NUF2: variants seen among roughly 807,000 people sequenced by gnomAD.
The protein encoded by NUF2 is kinetochore protein Nuf2.
NUF2 carries 34 observed loss-of-function variants against 61.8 expected under a neutral mutation model. That is an observed-to-expected ratio of 0.55 (90% CI 0.42 to 0.73). The LOEUF (loss-of-function observed/expected upper bound fraction) is 0.73. NUF2 is among the 30% of genes least tolerant of loss of function. The pLI, the probability that NUF2 is intolerant of heterozygous loss-of-function variation, is 0.00. For synonymous variants in NUF2, 172 were observed against 181.6 expected (o/e 0.95, Z 0.42); for missense variants, 445 against 539.1 (o/e 0.83, Z 1.73).
chr1:163,328,332 C>T (rs370795908), intron 4 of NUF2, 28 bp downstream of exon 4: 92 of 1,334,578 alleles, frequency 6.9e-5, no homozygotes, highest in Middle Eastern at 1.9e-4. Flanking sequence ...TTATTGTCTT[C>T]GTCTACATTC....
intron 7 of NUF2, 153 bp from the exon 8 acceptor site, chr1:163,339,228 G>A (rs1281460114): frequency 5.1e-6 from 3 of 586,476 alleles, no homozygotes; most frequent in Non-Finnish European, 9.1e-6. Context: ...GTAGAGGCCA[G>A]ATCATTCATT....
intron 5 of NUF2, among the ~76,000 whole-genome samples, chr1:163,329,687 A>G (rs913016532): frequency 6.6e-6 from 1 of 152,212 alleles, no homozygotes; most frequent in Non-Finnish European, 1.5e-5. Context: ...CCATACTCTT[A>G]ACTTTACAAT....
Position 163,355,621 on chromosome 1 carries a change from A to G in NUF2, c.*152A>G. ...ACTCTCATAAGTAGTTAATAAGATG[A>G]ATTTAATGTAGGCTTTTATTAATTT... On this transcript the variant is annotated 3_prime_UTR_variant, in exon 14 of 14. Transcript: ENST00000271452. 1 of 451,596 alleles carries G rather than the reference A, an allele frequency of 2.2e-6. No homozygotes were observed. The highest frequency in any genetic ancestry group is 3.9e-6 in the Non-Finnish European group (1 of 257,994). The allele number at this position is 451,596 out of a possible 1,614,324, so 28.0% of individuals were successfully genotyped here. A position where few individuals can be genotyped will look rare whatever the true frequency, so the allele number is the denominator to read the frequency against.
rs922604609 is a variant in NUF2, at chr1:163,348,072, T to G, written c.1124+134T>G. 5 of 567,922 alleles carry G rather than the reference T, an allele frequency of 8.8e-6. No homozygotes were observed. In the African/African-American group the frequency reaches 9.8e-5, roughly 11 times the overall value. 35.2% of individuals were successfully genotyped at this position (567,922 alleles called of 1,614,324 possible). On this transcript the variant is annotated intron_variant, in intron 12 of 13. Coordinates refer to ENST00000271452, the MANE Select transcript of NUF2 (RefSeq NM_145697.3). Reference sequence around the variant, plus strand: ...GCTTTATCTTTATTTCACCTTTAGTTGACTAAAACAGATGAGTTAATTATA... The same window carrying G: ...GCTTTATCTTTATTTCACCTTTAGTGGACTAAAACAGATGAGTTAATTATA...
intron 1 of NUF2, among the ~76,000 whole-genome samples, chr1:163,324,900 C>CTTTTTTTTTT (rs67548511): frequency 8.1e-6 from 1 of 122,976 alleles, no homozygotes; most frequent in Non-Finnish European, 1.7e-5. Flanking sequence ...TCTTTTCTTT[C>CTTTTTTTTTT]TTTTTTTTTT....
intron 9 of NUF2, among the ~76,000 whole-genome samples, chr1:163,341,679 G>A (rs1650952647): frequency 6.6e-6 from 1 of 152,026 alleles, no homozygotes; most frequent in South Asian, 2.1e-4. Flanking sequence ...AGGTTGGAGT[G>A]CAGTGTGGCA....
At chr1:163,326,427 C>T (rs1210972199) in intron 2 of NUF2, among the ~76,000 whole-genome samples, 1 of 150,152 alleles carries the variant, frequency 6.7e-6, no homozygotes. Context: ...GCTTCTAAAC[C>T]ATATTAAAGT....
At chr1:163,334,114 C>A (rs1650680731) in intron 5 of NUF2, among the ~76,000 whole-genome samples, 1 of 152,216 alleles carries the variant, frequency 6.6e-6, no homozygotes, top group Non-Finnish European at 1.5e-5. Flanking sequence ...ATAATGGCCT[C>A]AAGTTCCAAC....
Position 163,355,445 on chromosome 1 carries a change from G to C in NUF2, c.1371G>C (p.Arg457Ser), listed in dbSNP as rs1651455961. The stretch of plus-strand genomic sequence containing the variant: ...ATGAGAAGACAGCTGAACTGAAGAG[G>C]AAGATGTTCAAAATGTCAACCTGAT... Reference protein sequence around the residue: ...KIDEKTAELKRKMFKMST With the variant: ...KIDEKTAELKSKMFKMST Residue 457 changes from arginine to serine, a missense_variant, in exon 14 of 14, where the codon AGG becomes AGC. Transcript: ENST00000271452. The C allele has an allele frequency of 1.3e-6, 2 of 1,596,378 alleles. No individual in the cohort carries two copies. Among genetic ancestry groups the C allele is most frequent in the Non-Finnish European group, 1.7e-6 (2 of 1,171,564 alleles).
At chr1:163,327,100 A>T (rs200123658) in intron 2 of NUF2, among the ~76,000 whole-genome samples, 1 of 145,336 alleles carries the variant, frequency 6.9e-6, no homozygotes, top group Non-Finnish European at 1.5e-5. Flanking sequence ...TCCTGTGTTC[A>T]CACACACACA....
chr1:163,327,582 A>G lies in NUF2; in HGVS notation c.198+20A>G, dbSNP rs764112429. 1.9e-5 allele frequency: 28 copies of G among 1,488,808 alleles called. No individual in the cohort carries two copies. Among genetic ancestry groups the G allele is most frequent in the Non-Finnish European group, 2.5e-5 (27 of 1,066,784 alleles). 92.2% of individuals were successfully genotyped at this position (1,488,808 alleles called of 1,614,324 possible). On this transcript the variant is annotated intron_variant, in intron 3 of 13. Transcript: ENST00000271452. ...TACATGGTGAGTTTAAGATGAGGCA[A>G]AATTATGGGGTTTTTTTTGTTTGTT...
chr1:163,341,249 A>T (rs1169029620), intron 9 of NUF2, among the ~76,000 whole-genome samples: 1 of 152,002 alleles, frequency 6.6e-6, no homozygotes, highest in Non-Finnish European at 1.5e-5. Context: ...TCACTCTGTC[A>T]CCCAGGCTGG....
At chr1:163,329,743 T>C (rs988397347) in intron 5 of NUF2, among the ~76,000 whole-genome samples, 2 of 152,208 alleles carry the variant, frequency 1.3e-5, no homozygotes, top group Admixed American at 6.5e-5. Flanking sequence ...ATCGAAAGCT[T>C]ATATTCACAC....
intron 11 of NUF2, 107 bp from the exon 12 acceptor site, chr1:163,347,656 T>C: frequency 1.2e-6 from 1 of 839,512 alleles, no homozygotes; most frequent in Non-Finnish European, 1.7e-6. Flanking sequence ...GTTTTGTCTC[T>C]TTTTAAATTT....
At chr1:163,341,061 T>G (rs747943484) in intron 9 of NUF2, among the ~76,000 whole-genome samples, 3 of 152,188 alleles carry the variant, frequency 2.0e-5, no homozygotes, top group Non-Finnish European at 4.4e-5. Context: ...CCAAGCTGAT[T>G]TCTAGAAAGA....
chr1:163,328,449 A>G (rs907923779), intron 4 of NUF2, 145 bp downstream of exon 4: 2 of 538,048 alleles, frequency 3.7e-6, no homozygotes, highest in African/African-American at 3.9e-5. Flanking sequence ...CAAACTTTCA[A>G]AATTGTAGAC....
intron 5 of NUF2, 145 bp from the exon 6 acceptor site, chr1:163,336,606 G>T: frequency 2.2e-6 from 1 of 453,926 alleles, no homozygotes; most frequent in Non-Finnish European, 3.9e-6. Context: ...CTTTAAGTTA[G>T]AGCAGATTTT....
At chr1:163,355,312 AT>A in intron 13 of NUF2, 22 bp from the exon 14 acceptor site, 1 of 1,559,726 alleles carries the variant, frequency 6.4e-7, no homozygotes, top group Non-Finnish European at 8.7e-7. Flanking sequence ...AATAATTATT[AT>A]TCTGTTTCAT....
chr1:163,323,665 G>T (rs899679461), intron 1 of NUF2, among the ~76,000 whole-genome samples: 3 of 152,098 alleles, frequency 2.0e-5, no homozygotes, highest in Admixed American at 6.5e-5. Context: ...GCTGCAGTGA[G>T]CTGTGATTGT....
Sources: allele counts gnomAD v4.1 joint callset (sites outside exome capture counted in the v4.1 genomes callset), GRCh38; gene constraint gnomAD v4.1.1; transcripts MANE v1.5; gene names NCBI Gene and HGNC (gene_info 2026-07-23, HGNC 2026-07-21).